The following GPC5 variants were observed in gnomAD, a reference collection of about 807,000 sequenced individuals.
GPC5 encodes glypican 5, also known as glypican-5.
GPC5 carries 47 observed loss-of-function variants against 53.9 expected under a neutral mutation model. The observed-to-expected ratio is 0.87, with a 90% CI of 0.69 to 1.11. The LOEUF is 1.11. GPC5 is among the 50% of genes most tolerant of loss of function. The pLI, the probability that GPC5 is intolerant of heterozygous loss-of-function variation, is 0.00. For missense variants in GPC5, 748 were observed against 713.1 expected, an observed-to-expected ratio of 1.05 and a Z score of -0.56; for synonymous variants, 286 against 263.3, an observed-to-expected ratio of 1.09 and a Z score of -0.84.
intron 7 of GPC5, among the ~76,000 whole-genome samples, chr13:92,202,843 T>C (rs908381850): frequency 2.6e-5 from 4 of 152,144 alleles, no homozygotes; most frequent in African/African-American, 9.7e-5. Context: ...GACAAATGAA[T>C]TCCATTATCT....
chr13:92,624,725 A>G (rs1884990315), intron 7 of GPC5, among the ~76,000 whole-genome samples: 1 of 151,944 alleles, frequency 6.6e-6, no homozygotes, highest in Non-Finnish European at 1.5e-5. Context: ...AGCTTAGGGA[A>G]CCCACAGCTT....
chr13:92,506,065 A>G (rs1297333735), intron 7 of GPC5, among the ~76,000 whole-genome samples: 1 of 152,168 alleles, frequency 6.6e-6, no homozygotes, highest in Non-Finnish European at 1.5e-5. Flanking sequence ...TGGGCACAGG[A>G]GAGAATTCAT....
At chr13:92,671,289 GT>G (rs1248168579) in intron 7 of GPC5, among the ~76,000 whole-genome samples, 1 of 152,042 alleles carries the variant, frequency 6.6e-6, no homozygotes, top group Admixed American at 6.6e-5. Context: ...TCCTTTTCTT[GT>G]TATGGCCAAT....
chr13:92,475,069 A>T (rs973680559), intron 7 of GPC5, among the ~76,000 whole-genome samples: 2 of 152,106 alleles, frequency 1.3e-5, no homozygotes, highest in African/African-American at 4.8e-5. Context: ...TATACTCACA[A>T]ACTGTGGAGG....
intron 2 of GPC5, among the ~76,000 whole-genome samples, chr13:91,541,969 G>A (rs570871463): frequency 1.3e-5 from 2 of 150,630 alleles, no homozygotes; most frequent in African/African-American, 4.8e-5. Context: ...GTCAGGAATA[G>A]GTGCTGCATA....
intron 7 of GPC5, among the ~76,000 whole-genome samples, chr13:92,391,838 A>G (rs1875016661): frequency 6.6e-6 from 1 of 152,146 alleles, no homozygotes; most frequent in Non-Finnish European, 1.5e-5. Context: ...CTAGAAGGTC[A>G]TGTCTGGAAA....
intron 7 of GPC5, among the ~76,000 whole-genome samples, chr13:92,701,186 T>TA (rs1268803116): frequency 2.0e-5 from 3 of 152,084 alleles, no homozygotes; most frequent in Non-Finnish European, 2.9e-5. Context: ...TTAAATATAT[T>TA]AAAAAATTAT....
chr13:92,330,815 G>A (rs2043283074), intron 7 of GPC5, among the ~76,000 whole-genome samples: 1 of 152,120 alleles, frequency 6.6e-6, no homozygotes, highest in African/African-American at 2.4e-5. Context: ...TGTGGGCCAT[G>A]GTGGAGCCGA....
rs559448602 is a variant in GPC5 at position 92,486,887 on chromosome 13, G to C, written c.1561+341898G>C. Among the ~76,000 whole-genome samples, 3 of 150,424 alleles carry C rather than the reference G, an allele frequency of 2.0e-5. No individual in the cohort carries two copies. In the East Asian group the frequency reaches 5.9e-4, roughly 29 times the overall value. ...TTTTTTTTTTTTCAGATGGAGTCTC[G>C]CTCTATGGCCTAGGCTGGAGTGCAG... On this transcript the variant is annotated intron_variant, in intron 7 of 7. Transcript: ENST00000377067.
At chr13:91,776,673 C>T (rs1023739421) in intron 5 of GPC5, among the ~76,000 whole-genome samples, 1 of 152,124 alleles carries the variant, frequency 6.6e-6, no homozygotes, top group African/African-American at 2.4e-5. Flanking sequence ...GCTCTAGGGC[C>T]AGTCCCTAAT....
intron 7 of GPC5, among the ~76,000 whole-genome samples, chr13:92,642,610 C>A (rs1885631590): frequency 6.6e-6 from 1 of 152,202 alleles, no homozygotes; most frequent in African/African-American, 2.4e-5. Context: ...GCCACTACAT[C>A]TGGGCTACTA....
At chr13:92,532,139 C>T (rs940814056) in intron 7 of GPC5, among the ~76,000 whole-genome samples, 4 of 152,104 alleles carry the variant, frequency 2.6e-5, no homozygotes, top group African/African-American at 9.7e-5. Context: ...TTTCTATTGC[C>T]CTGTTTCTTA....
intron 7 of GPC5, among the ~76,000 whole-genome samples, chr13:92,297,682 C>G (rs944465256): frequency 3.3e-5 from 5 of 152,112 alleles, no homozygotes; most frequent in African/African-American, 9.7e-5. Flanking sequence ...CACCAATCAG[C>G]GCCCTGACAA....
rs527542639 is a variant in GPC5, at chr13:92,125,524, GATCTACCAAT to G, written c.1402-19302_1402-19293del. Among the ~76,000 whole-genome samples the G allele has an allele frequency of 9.2e-5, 14 of 152,192 alleles. 1 individual carries two copies. In the South Asian group the frequency reaches 2.5e-3, roughly 27 times the overall value. On this transcript the variant is annotated intron_variant, in intron 6 of 7. Coordinates refer to ENST00000377067, the MANE Select transcript of GPC5 (RefSeq NM_004466.6). ...TGTGAGATTCTATAAGATTTTATAG[GATCTACCAAT>G]ATCGGGAGTAGGAGGAGGACAGAGA...
chr13:92,233,941 G>A (rs2042550574), intron 7 of GPC5, among the ~76,000 whole-genome samples: 1 of 152,076 alleles, frequency 6.6e-6, no homozygotes, highest in African/African-American at 2.4e-5. Context: ...AGTTTGCTGA[G>A]AATGATGGTT....
At chr13:92,147,835 A>T (rs887784373) in intron 7 of GPC5, among the ~76,000 whole-genome samples, 7 of 152,104 alleles carry the variant, frequency 4.6e-5, no homozygotes, top group Non-Finnish European at 1.0e-4. Flanking sequence ...ATGCTGAAGT[A>T]AAGAGGGACG....
At chr13:91,660,457 G>A (rs541991323) in intron 2 of GPC5, among the ~76,000 whole-genome samples, 68 of 152,322 alleles carry the variant, frequency 4.5e-4, no homozygotes, top group African/African-American at 1.6e-3. Context: ...ACCCAGTGAA[G>A]CTTGGAGATG....
intron 7 of GPC5, among the ~76,000 whole-genome samples, chr13:92,610,863 C>T (rs1267349535): frequency 1.3e-5 from 2 of 151,754 alleles, no homozygotes; most frequent in African/African-American, 4.9e-5. Context: ...CAATTACCTC[C>T]ACCTGGTCTC....
At chr13:92,227,719 TAAA>T in intron 7 of GPC5, among the ~76,000 whole-genome samples, 1 of 151,902 alleles carries the variant, frequency 6.6e-6, no homozygotes, top group Non-Finnish European at 1.5e-5. Context: ...CCCAACACAG[TAAA>T]AAAAATTCAT....
Sources: allele counts gnomAD v4.1 joint callset (sites outside exome capture counted in the v4.1 genomes callset), GRCh38; gene constraint gnomAD v4.1.1; transcripts MANE v1.5; gene names NCBI Gene and HGNC (gene_info 2026-07-23, HGNC 2026-07-21).